Variants in LMLN observed in about 807,000 individuals in gnomAD.
LMLN encodes the protein leishmanolysin like peptidase.
LMLN carries 70 observed loss-of-function variants against 92.3 expected under a neutral mutation model. The ratio of observed to expected loss-of-function variants is 0.76; its 90% CI spans 0.63 to 0.92. The LOEUF is 0.92. Among genes scored for constraint, LMLN ranks in the 40% least tolerant of loss-of-function variants. The pLI, the probability that LMLN is intolerant of heterozygous loss-of-function variation, is 0.00. For synonymous variants in LMLN, 308 were observed against 296.2 expected (o/e 1.04, Z -0.41); for missense variants, 691 against 814.6 (o/e 0.85, Z 1.85).
intron 4 of LMLN, chr3:197,976,393 G>C: frequency 2.0e-6 from 1 of 508,174 alleles, no homozygotes; most frequent in East Asian, 3.1e-5. Context: ...TACAGTGTTG[G>C]CTTTATGAAG....
chr3:198,010,670 T>G (rs1228673922), intron 11 of LMLN, among the ~76,000 whole-genome samples: 1 of 152,052 alleles, frequency 6.6e-6, no homozygotes, highest in Non-Finnish European at 1.5e-5. Context: ...AGGCTAGTCT[T>G]GAACTCCTGG....
intron 11 of LMLN, among the ~76,000 whole-genome samples, chr3:198,009,451 A>G (rs148755323): frequency 6.6e-6 from 1 of 152,098 alleles, no homozygotes; most frequent in Non-Finnish European, 1.5e-5. Flanking sequence ...ATCTTTGTCT[A>G]GTTTCTGTAT....
chr3:198,012,763 T>G (rs13064245), intron 11 of LMLN, among the ~76,000 whole-genome samples: 8 of 97,930 alleles, frequency 8.2e-5, no homozygotes, highest in Admixed American at 2.2e-4. Context: ...TCTCTGTACC[T>G]TTCAGAGCCT....
chr3:198,016,194 C>CAAAAAAA (rs202075630), intron 11 of LMLN, among the ~76,000 whole-genome samples: 2 of 83,862 alleles, frequency 2.4e-5, no homozygotes, highest in African/African-American at 4.7e-5. Flanking sequence ...GTTGCAAAAA[C>CAAAAAAA]AAAAAAAAAA....
At chr3:197,971,944 CTTTTTTTTTTTTT>C (rs756710031) in intron 1 of LMLN, among the ~76,000 whole-genome samples, 3 of 81,220 alleles carry the variant, frequency 3.7e-5, no homozygotes, top group African/African-American at 1.4e-4. Flanking sequence ...AGTCTCTGTT[CTTTTTTTTTTTTT>C]TTTTTTTTTT....
chr3:197,960,237 G>A (rs1345157342), exon 1 of LMLN: 16 of 1,609,656 alleles, frequency 9.9e-6, no homozygotes, highest in Non-Finnish European at 1.4e-5. Flanking sequence ...AACGACGCTC[G>A]GCCCGAAGAT....
chr3:198,038,049 G>A (rs192352121), intron 15 of LMLN, among the ~76,000 whole-genome samples: 10 of 146,910 alleles, frequency 6.8e-5, no homozygotes, highest in Non-Finnish European at 1.5e-4. Flanking sequence ...GCCTGTTGTC[G>A]TTATTGATGC....
At chr3:197,990,307 C>G (rs1721829529) in intron 8 of LMLN, among the ~76,000 whole-genome samples, 1 of 152,046 alleles carries the variant, frequency 6.6e-6, no homozygotes, top group African/African-American at 2.4e-5. Context: ...AAGCAGTCTT[C>G]CCACCTCGGC....
At chr3:197,992,700 T>C (rs558994483) in intron 9 of LMLN, among the ~76,000 whole-genome samples, 3 of 152,162 alleles carry the variant, frequency 2.0e-5, no homozygotes, top group Non-Finnish European at 4.4e-5. Context: ...TTTCACCAAA[T>C]GTTTAAAGAA....
intron 1 of LMLN, among the ~76,000 whole-genome samples, chr3:197,970,610 C>T (rs1320763872): frequency 6.6e-6 from 1 of 152,184 alleles, no homozygotes; most frequent in Non-Finnish European, 1.5e-5. Context: ...GACAAAATTT[C>T]AGCCACTGAA....
intron 11 of LMLN, among the ~76,000 whole-genome samples, chr3:198,001,662 C>T (rs1449929249): frequency 2.0e-5 from 3 of 152,184 alleles, no homozygotes; most frequent in African/African-American, 7.2e-5. Flanking sequence ...AGCACCGCGA[C>T]TCCTTCAGTT....
rs2109952643 is a variant in LMLN, at chr3:198,031,105, C to T, written c.1657-4728C>T. The stretch of plus-strand genomic sequence containing the variant: ...CCGATGAACAGGAGGAAAACATACA[C>T]ATTTATTTAATCTAAGTTTTACATG... On this transcript the variant is annotated intron_variant, in intron 14 of 15. Coordinates refer to ENST00000330198, the Ensembl canonical transcript of LMLN. The surrounding 1 kb of genome is among the most constrained non-coding windows in gnomAD (Gnocchi z 4.8). Among the ~76,000 whole-genome samples the T allele has an allele frequency of 6.6e-6, 1 of 152,316 alleles. No homozygotes were observed. The highest frequency in any genetic ancestry group is 3.4e-3 in the Middle Eastern group (1 of 294).
chr3:198,038,798 C>T (rs1031190125), exon 16 of LMLN: 24 of 707,206 alleles, frequency 3.4e-5, no homozygotes, highest in African/African-American at 1.2e-4. Flanking sequence ...GAAGAATTGA[C>T]GACCATCAGA....
At chr3:197,990,486 G>A in intron 8 of LMLN, 73 bp from the exon 9 acceptor site, 2 of 652,410 alleles carry the variant, frequency 3.1e-6, no homozygotes, top group Non-Finnish European at 5.3e-6. Flanking sequence ...ACTTTTTACA[G>A]TAAATGTAAA....
chr3:197,967,592 A>T (rs1296341123), intron 1 of LMLN, among the ~76,000 whole-genome samples: 1 of 152,242 alleles, frequency 6.6e-6, no homozygotes, highest in East Asian at 1.9e-4. Flanking sequence ...AAAACTCCTG[A>T]TAAGGGTCTG....
intron 3 of LMLN, among the ~76,000 whole-genome samples, chr3:197,975,571 G>A (rs1404586481): frequency 1.3e-5 from 2 of 151,968 alleles, no homozygotes; most frequent in Non-Finnish European, 1.5e-5. Context: ...CACTATGGGC[G>A]ACAGAAATTG....
At chr3:198,021,273 ACTC>A (rs1560153061) in intron 12 of LMLN, among the ~76,000 whole-genome samples, 170 bp from the exon 14 acceptor site, 1 of 151,514 alleles carries the variant, frequency 6.6e-6, no homozygotes, top group East Asian at 1.9e-4. Context: ...ACCTTTAACT[ACTC>A]CTCTGGTGGT....
intron 13 of LMLN, among the ~76,000 whole-genome samples, chr3:198,022,553 C>A (rs2109938419): frequency 6.6e-6 from 1 of 152,294 alleles, no homozygotes; most frequent in Admixed American, 6.5e-5. Flanking sequence ...CCCCATCATT[C>A]ATCTATTCAA....
intron 8 of LMLN, among the ~76,000 whole-genome samples, chr3:197,987,087 G>T (rs374194359): frequency 6.6e-6 from 1 of 150,892 alleles, no homozygotes; most frequent in African/African-American, 2.4e-5. Context: ...TGATCTGCCC[G>T]CCTCGGCCTC....
Sources: gnomAD v4.1 joint callset for allele counts (sites outside exome capture counted in the v4.1 genomes callset) on GRCh38, gnomAD v4.1.1 for gene constraint, Gnocchi (gnomAD v3.1) non-coding constraint, MANE v1.5 for transcripts, NCBI Gene and HGNC (gene_info 2026-07-23, HGNC 2026-07-21) for gene names.